MRPL3: variants seen among roughly 807,000 people sequenced by gnomAD.
MRPL3 encodes the protein large ribosomal subunit protein uL3m.
Under a neutral mutation model 44.3 loss-of-function variants are expected in MRPL3, and 43 were observed. The observed-to-expected ratio is 0.97, with a 90% CI of 0.76 to 1.25. The LOEUF (loss-of-function observed/expected upper bound fraction) is 1.25, where lower values mean the gene tolerates loss of function less well. Among genes scored for constraint, MRPL3 ranks in the 50% most tolerant of loss-of-function variants. MRPL3 has a pLI of 0.00. For missense variants in MRPL3, 406 were observed against 427.6 expected, an observed-to-expected ratio of 0.95 and a Z score of 0.45; for synonymous variants, 171 against 152.3, an observed-to-expected ratio of 1.12 and a Z score of -0.91.
chr3:131,500,732 T>C (rs1348482467), intron 2 of MRPL3, among the ~76,000 whole-genome samples: 2 of 152,196 alleles, frequency 1.3e-5, no homozygotes, highest in African/African-American at 2.4e-5. Context: ...CAATAAATAT[T>C]TGTAAAATGA....
At chr3:131,473,388 A>T (rs1330591278) in intron 6 of MRPL3, among the ~76,000 whole-genome samples, 1 of 152,112 alleles carries the variant, frequency 6.6e-6, no homozygotes, top group Non-Finnish European at 1.5e-5. Flanking sequence ...CTCTCACCAT[A>T]TGCAAAAATC....
At chr3:131,465,184 TG>T (rs1456705733) in intron 9 of MRPL3, among the ~76,000 whole-genome samples, 2 of 152,244 alleles carry the variant, frequency 1.3e-5, no homozygotes, top group African/African-American at 4.8e-5. Flanking sequence ...GACTAGACAT[TG>T]TTCTGATGCC....
rs202086710 is a variant in MRPL3 at position 131,486,035 on chromosome 3, CA to C, written c.629+1644del. On this transcript the variant is annotated intron_variant, in intron 6 of 9. Coordinates refer to ENST00000264995, the MANE Select transcript of MRPL3 (RefSeq NM_007208.4). ...GAAATTATCATTTATGTTGAAGAAA[CA>C]AACATCTGATCTTTGACAAACTTGA... 1.2e-3 allele frequency among the ~76,000 whole-genome samples: 189 copies of C among 152,156 alleles called. 2 individuals are homozygous for C. The East Asian group carries it at 0.02, about 16-fold the overall frequency.
rs967315481 is a variant in MRPL3 at position 131,462,639 on chromosome 3, A to G, written c.*84T>C. The stretch of plus-strand genomic sequence containing the variant: ...GTGATTTTGTTGTGACTAAGAAAGG[A>G]GAGTATGATTTCTGGTGGTTATGAT... On this transcript the variant is annotated 3_prime_UTR_variant, in exon 10 of 10. Transcript: ENST00000264995. The G allele has an allele frequency of 3.1e-6, 4 of 1,296,242 alleles. No individual in the cohort carries two copies. In the African/African-American group the frequency reaches 5.9e-5, roughly 19 times the overall value. 80.3% of individuals were successfully genotyped at this position (1,296,242 alleles called of 1,614,324 possible).
intron 6 of MRPL3, among the ~76,000 whole-genome samples, chr3:131,473,237 C>G (rs1240519437): frequency 6.6e-6 from 1 of 152,008 alleles, no homozygotes; most frequent in Non-Finnish European, 1.5e-5. Flanking sequence ...CGGAACAGAA[C>G]AGAGAGCCCA....
rs529096045 is a variant in MRPL3 at position 131,465,885 on chromosome 3, T to C, written c.894+2206A>G. Among the ~76,000 whole-genome samples, 404 of 142,678 alleles carry C rather than the reference T, an allele frequency of 2.8e-3. 4 individuals are homozygous for C. The highest frequency in any genetic ancestry group is 9.8e-3 in the African/African-American group (384 of 39,286). The allele number at this position is 142,678 out of a possible 152,430, so 93.6% of individuals were successfully genotyped here. A position where few individuals can be genotyped will look rare whatever the true frequency, so the allele number is the denominator to read the frequency against. Reference sequence around the variant, plus strand: ...AAATTCATCAAATACATTTTTCTTTTTCTCTCTTTTTTTTTTTTTTTTGTT... The same window carrying C: ...AAATTCATCAAATACATTTTTCTTTCTCTCTCTTTTTTTTTTTTTTTTGTT... On this transcript the variant is annotated intron_variant, in intron 9 of 9. Transcript: ENST00000264995.
At chr3:131,468,770 A>T (rs1285759362) in intron 8 of MRPL3, among the ~76,000 whole-genome samples, 1 of 152,074 alleles carries the variant, frequency 6.6e-6, no homozygotes, top group African/African-American at 2.4e-5. Context: ...CAGCAAATAG[A>T]TGGTCTCTGA....
intron 1 of MRPL3, chr3:131,501,930 G>GA (rs962878683): frequency 3.9e-6 from 6 of 1,533,476 alleles, no homozygotes; most frequent in East Asian, 2.4e-5. Context: ...TTACCCTGGA[G>GA]AAAAAAATTC....
Position 131,490,000 on chromosome 3 carries a change from A to C in MRPL3, c.549T>G (p.Asp183Glu), listed in dbSNP as rs561447941. The change falls in exon 5 of 10, where the codon GAT (aspartate) becomes GAG (glutamate). Residue 183 changes from aspartate (D) to glutamate (E), a missense_variant. Asp to Glu is a conservative substitution (Grantham distance 45, BLOSUM62 2). Transcript: ENST00000264995. ...KQTVKIFNIT[D>E]NAAIKPGTPL... ...AATTACCTGGTTTAATTGCAGCATT[A>C]TCTGTTATATTAAAGATTTTAACTG... 4 of 1,608,218 alleles carry C rather than the reference A, an allele frequency of 2.5e-6. No homozygotes were observed. In the South Asian group the frequency reaches 4.4e-5, roughly 18 times the overall value.
At chr3:131,481,699 A>G (rs1022400768) in intron 6 of MRPL3, among the ~76,000 whole-genome samples, 9 of 152,262 alleles carry the variant, frequency 5.9e-5, no homozygotes, top group African/African-American at 1.9e-4. Flanking sequence ...ACCCCAACAC[A>G]CTGCTCTCCA....
rs1016853341 is a variant in MRPL3, at chr3:131,502,636, T to C, written c.92+94A>G. The C allele has an allele frequency of 3.9e-6, 4 of 1,015,082 alleles. No individual in the cohort carries two copies. In the African/African-American group the frequency reaches 4.9e-5, roughly 12 times the overall value. The allele number at this position is 1,015,082 out of a possible 1,614,324, so 62.9% of individuals were successfully genotyped here. ...GTGTCCCACGTCTCAACAGAGCCCC[T>C]TCCTCCTCCACCCAGGGGAGGCCCA... On this transcript the variant is annotated intron_variant, in intron 1 of 9. Transcript: ENST00000264995.
intron 6 of MRPL3, among the ~76,000 whole-genome samples, chr3:131,483,069 G>A (rs894513720): frequency 6.6e-6 from 1 of 150,868 alleles, no homozygotes; most frequent in African/African-American, 2.4e-5. Flanking sequence ...CTATGCTGAG[G>A]ATAGAATTAA....
At chr3:131,501,750 A>G in intron 1 of MRPL3, 35 bp from the exon 2 acceptor site, 2 of 1,592,750 alleles carry the variant, frequency 1.3e-6, no homozygotes, top group South Asian at 2.3e-5. Flanking sequence ...ACCAAACCAC[A>G]ATTTAAAAAC....
In MRPL3 at chr3:131,462,583, T is replaced by A. The variant is rs889081321; in HGVS notation, c.*140A>T. 1.4e-6 allele frequency: 1 copy of A among 689,790 alleles called. No individual in the cohort carries two copies. Among genetic ancestry groups the A allele is most frequent in the Non-Finnish European group, 2.2e-6 (1 of 453,572 alleles). 42.7% of individuals were successfully genotyped at this position (689,790 alleles called of 1,614,324 possible). On this transcript the variant is annotated 3_prime_UTR_variant, in exon 10 of 10. Transcript: ENST00000264995. ...CAAAATTTAATGGGGGTATGAATGATATATTTATGCCCTTGACAAAGATGA... is the reference window on the plus strand; with the variant it reads ...CAAAATTTAATGGGGGTATGAATGAAATATTTATGCCCTTGACAAAGATGA...
At chr3:131,490,646 G>A (rs1242767016) in intron 4 of MRPL3, among the ~76,000 whole-genome samples, 1 of 152,122 alleles carries the variant, frequency 6.6e-6, no homozygotes, top group East Asian at 1.9e-4. Context: ...CCTTTGAGTT[G>A]ATCAAATAAA....
Position 131,501,619 on chromosome 3 carries a change from C to T in MRPL3, c.189G>A (p.Gln63=), listed in dbSNP as rs762927506. 2 of 1,612,866 alleles carry T rather than the reference C, an allele frequency of 1.2e-6. No individual in the cohort carries two copies. Among genetic ancestry groups the T allele is most frequent in the Non-Finnish European group, 8.5e-7 (1 of 1,179,936 alleles). The change falls in exon 2 of 10, where the codon CAG becomes CAA. Residue 63 remains glutamine, a synonymous_variant. Coordinates refer to ENST00000264995, the MANE Select transcript of MRPL3 (RefSeq NM_007208.4). ...GGGCTTTATCTTCATCAGAGACCAA[C>T]TGCTTAATGAATGGGACATTTTCTT... ...LSEENVPFIK[Q]LVSDEDKAQL...
At chr3:131,494,088 T>C (rs777446365) in intron 4 of MRPL3, among the ~76,000 whole-genome samples, 4 of 152,214 alleles carry the variant, frequency 2.6e-5, no homozygotes, top group Non-Finnish European at 4.4e-5. Flanking sequence ...TTTGGATCAG[T>C]CTACAACTTA....
intron 6 of MRPL3, among the ~76,000 whole-genome samples, chr3:131,484,475 A>G (rs970022999): frequency 2.6e-5 from 4 of 152,206 alleles, no homozygotes; most frequent in African/African-American, 9.6e-5. Context: ...GGCACTGCAC[A>G]TATTGTTCCC....
chr3:131,471,341 C>G (rs1026396483), intron 6 of MRPL3, 62 bp from the exon 7 acceptor site: 3 of 1,115,178 alleles, frequency 2.7e-6, no homozygotes, highest in Admixed American at 3.4e-5. Context: ...CCCAATTGTA[C>G]ACTTTCTAGT....
Sources: gnomAD v4.1 joint callset for allele counts (sites outside exome capture counted in the v4.1 genomes callset) on GRCh38, gnomAD v4.1.1 for gene constraint, MANE v1.5 for transcripts, NCBI Gene and HGNC (gene_info 2026-07-23, HGNC 2026-07-21) for gene names.